The following N4BP2 variants were observed in gnomAD, a reference collection of about 807,000 sequenced individuals.
N4BP2 encodes NEDD4 binding protein 2, also known as NEDD4-binding protein 2.
A neutral mutation model predicts 152.8 loss-of-function variants in N4BP2; 91 were observed. That is an observed-to-expected ratio of 0.60 (90% CI 0.50 to 0.71). The LOEUF is 0.71. Among genes scored for constraint, N4BP2 ranks in the 30% least tolerant of loss-of-function variants. N4BP2 has a pLI of 0.00. For missense variants in N4BP2, 1,923 were observed against 2,059.1 expected (o/e 0.93, Z 1.28); for synonymous variants, 646 against 705.3 (o/e 0.92, Z 1.33).
At chr4:40,135,707 C>T (rs1008994728) in intron 13 of N4BP2, among the ~76,000 whole-genome samples, 4 of 152,260 alleles carry the variant, frequency 2.6e-5, no homozygotes, top group South Asian at 2.1e-4. Flanking sequence ...GGATTACAGG[C>T]GCCCGCCACC....
At chr4:40,109,262 C>T (rs1716631323) in intron 5 of N4BP2, among the ~76,000 whole-genome samples, 1 of 152,046 alleles carries the variant, frequency 6.6e-6, no homozygotes, top group Non-Finnish European at 1.5e-5. Context: ...CCAAAGGAGG[C>T]AGTATGATTT....
intron 10 of N4BP2, among the ~76,000 whole-genome samples, chr4:40,123,590 C>T (rs868429661): frequency 1.4e-4 from 22 of 152,086 alleles, no homozygotes; most frequent in African/African-American, 4.3e-4. Flanking sequence ...GGCACATGAT[C>T]CTCCTGCCTT....
chr4:40,184,911 G>T, the N4BP2 span, among the ~76,000 whole-genome samples: 1 of 151,904 alleles, frequency 6.6e-6, no homozygotes, highest in Non-Finnish European at 1.5e-5. Flanking sequence ...AGCCGACATT[G>T]CGCCACTGCA....
At chr4:40,174,007 CA>C in the N4BP2 span, among the ~76,000 whole-genome samples, 2 of 151,792 alleles carry the variant, frequency 1.3e-5, no homozygotes, top group African/African-American at 4.8e-5. Flanking sequence ...ACTAAAACTA[CA>C]AAAAAAGGTA....
intron 5 of N4BP2, among the ~76,000 whole-genome samples, chr4:40,110,207 A>G (rs556602778): frequency 1.6e-4 from 24 of 152,288 alleles, no homozygotes; most frequent in African/African-American, 5.5e-4. Context: ...CATTTTATTA[A>G]TCTATTCATC....
chr4:40,149,902 G>GAAAAA (rs534686637), intron 16 of N4BP2, among the ~76,000 whole-genome samples: 2 of 95,330 alleles, frequency 2.1e-5, no homozygotes, highest in Non-Finnish European at 4.3e-5. Flanking sequence ...ATCTCAAAAA[G>GAAAAA]AAAAAAAAAA....
Position 40,142,199 on chromosome 4 carries a change from T to C in N4BP2, c.4786-474T>C, listed in dbSNP as rs141834087. The C allele has an allele frequency of 1.6e-3, 370 of 236,658 alleles. 1 individual carries two copies. Among genetic ancestry groups the C allele is most frequent in the African/African-American group, 8.0e-3 (343 of 42,622 alleles). 14.7% of individuals were successfully genotyped at this position (236,658 alleles called of 1,614,324 possible). ...ACCTTGGTAACTTCACTTCAGCCTCTGCACTTATTCTCTTAAATTATCATC... is the reference window on the plus strand; with the variant it reads ...ACCTTGGTAACTTCACTTCAGCCTCCGCACTTATTCTCTTAAATTATCATC... On this transcript the variant is annotated intron_variant, in intron 14 of 17. Transcript: ENST00000261435.
the N4BP2 span, among the ~76,000 whole-genome samples, chr4:40,178,694 G>A: frequency 2.6e-5 from 4 of 152,200 alleles, no homozygotes; most frequent in African/African-American, 4.8e-5. Context: ...TTTTGGAAAG[G>A]TTTGAACAGA....
intron 1 of N4BP2, among the ~76,000 whole-genome samples, chr4:40,061,407 CA>C (rs1407359125): frequency 1.3e-5 from 2 of 151,686 alleles, no homozygotes; most frequent in African/African-American, 4.8e-5. Context: ...TCTTGTTGCC[CA>C]GTCTGGAGTG....
intron 1 of N4BP2, among the ~76,000 whole-genome samples, chr4:40,060,704 G>A (rs1366139307): frequency 6.6e-6 from 1 of 151,734 alleles, no homozygotes; most frequent in Non-Finnish European, 1.5e-5. Flanking sequence ...TTGGGCTCAA[G>A]GGATCCTCTT....
At chr4:40,186,839 A>G in the N4BP2 span, among the ~76,000 whole-genome samples, 2 of 152,202 alleles carry the variant, frequency 1.3e-5, no homozygotes, top group African/African-American at 2.4e-5. Flanking sequence ...CATTGAGCCC[A>G]TGACTATTTT....
At chr4:40,181,375 G>A in the N4BP2 span, among the ~76,000 whole-genome samples, 8 of 152,004 alleles carry the variant, frequency 5.3e-5, no homozygotes, top group Non-Finnish European at 1.2e-4. Context: ...AAACATTTTC[G>A]ATACTAGCTC....
At chr4:40,176,405 A>T in the N4BP2 span, among the ~76,000 whole-genome samples, 14 of 152,184 alleles carry the variant, frequency 9.2e-5, no homozygotes, top group African/African-American at 3.4e-4. Flanking sequence ...TTTTGTTTCC[A>T]AAAGTAGATT....
intron 4 of N4BP2, among the ~76,000 whole-genome samples, chr4:40,104,440 G>A (rs1297893573): frequency 6.6e-6 from 1 of 151,412 alleles, no homozygotes; most frequent in African/African-American, 2.4e-5. Context: ...TTCTGTGTCT[G>A]GGTTTCTCTG....
chr4:40,185,360 G>C, the N4BP2 span, among the ~76,000 whole-genome samples: 1 of 151,984 alleles, frequency 6.6e-6, no homozygotes, highest in Non-Finnish European at 1.5e-5. Flanking sequence ...TAATATAAAA[G>C]GCTATTGTAA....
rs76282869 is a variant in N4BP2, at chr4:40,107,106, T to C, written c.1498+82T>C. ...CACTTAGTATTTGTTTGTGTGTTTG[T>C]TTTTGTTTTTTGAGACAGGGTCTCG... On this transcript the variant is annotated intron_variant, in intron 5 of 17. Transcript: ENST00000261435. 2,761 of 1,463,032 alleles carry C rather than the reference T, an allele frequency of 1.9e-3. 32 individuals carry two copies. The East Asian group carries it at 0.027, about 14-fold the overall frequency. The allele number at this position is 1,463,032 out of a possible 1,614,324, so 90.6% of individuals were successfully genotyped here. A position where few individuals can be genotyped will look rare whatever the true frequency, so the allele number is the denominator to read the frequency against.
At chr4:40,135,489 G>T (rs1271795685) in intron 13 of N4BP2, among the ~76,000 whole-genome samples, 3 of 152,156 alleles carry the variant, frequency 2.0e-5, no homozygotes, top group Non-Finnish European at 1.5e-5. Flanking sequence ...GGGTCAAATG[G>T]TATTCCTAGT....
At chr4:40,111,692 T>G (rs1229718799) in intron 5 of N4BP2, among the ~76,000 whole-genome samples, 1 of 152,138 alleles carries the variant, frequency 6.6e-6, no homozygotes, top group Non-Finnish European at 1.5e-5. Context: ...CTTGGCTCAC[T>G]GCAACATCTG....
At chr4:40,131,723 AAGTTAACCATGCCTTTGGTC>A in intron 12 of N4BP2, 58 bp from the exon 13 acceptor site, 1 of 1,037,518 alleles carries the variant, frequency 9.6e-7, no homozygotes, top group Non-Finnish European at 1.4e-6. Context: ...GTTTTGCAAC[AAGTTAACCATGCCTTTGGTC>A]AGTGTTTCTA....
Sources: allele counts gnomAD v4.1 joint callset (sites outside exome capture counted in the v4.1 genomes callset), GRCh38; gene constraint gnomAD v4.1.1; transcripts MANE v1.5; gene names NCBI Gene and HGNC (gene_info 2026-07-23, HGNC 2026-07-21).